TESK2: variants seen among roughly 807,000 people sequenced by gnomAD.
TESK2 encodes the protein testis associated actin remodelling kinase 2, also known as dual specificity testis-specific protein kinase 2.
Under a neutral mutation model 57.1 loss-of-function variants are expected in TESK2, and 39 were observed. The ratio of observed to expected loss-of-function variants is 0.68; its 90% CI spans 0.53 to 0.89. TESK2 has a LOEUF of 0.89. Among genes scored for constraint, TESK2 ranks in the 40% least tolerant of loss-of-function variants. The probability of loss-of-function intolerance (pLI) is 0.00; values close to 1 mark genes in which losing one functional copy is unlikely to be tolerated. For synonymous variants in TESK2, 249 were observed against 267.9 expected (o/e 0.93, Z 0.69); for missense variants, 646 against 732.1 (o/e 0.88, Z 1.36).
At chr1:45,447,936 A>C (rs1241109219) in intron 2 of TESK2, among the ~76,000 whole-genome samples, 1 of 152,096 alleles carries the variant, frequency 6.6e-6, no homozygotes, top group Non-Finnish European at 1.5e-5. Context: ...GAAAAACCAC[A>C]AAACTCTGAT....
intron 1 of TESK2, among the ~76,000 whole-genome samples, chr1:45,473,997 C>T (rs1045740660): frequency 1.3e-5 from 2 of 151,890 alleles, no homozygotes; most frequent in African/African-American, 4.8e-5. Context: ...GACTACCAGA[C>T]AATAGTAGAA....
chr1:45,376,586 C>CACTA (rs1557548599), intron 4 of TESK2, among the ~76,000 whole-genome samples: 1 of 152,112 alleles, frequency 6.6e-6, no homozygotes, highest in East Asian at 1.9e-4. Flanking sequence ...GTTGGGTCTA[C>CACTA]ACTAGACCAT....
At chr1:45,355,514 T>A in intron 4 of TESK2, 65 bp from the exon 5 acceptor site, 2 of 1,536,380 alleles carry the variant, frequency 1.3e-6, no homozygotes, top group Non-Finnish European at 1.8e-6. Flanking sequence ...GGTGAAACCA[T>A]TAGAGAGTAA....
chr1:45,482,626 C>A (rs2149308351), intron 1 of TESK2, among the ~76,000 whole-genome samples: 1 of 147,238 alleles, frequency 6.8e-6, no homozygotes, highest in East Asian at 2.0e-4. Flanking sequence ...AAAGTAAATT[C>A]ATGAAGCCAG....
chr1:45,427,102 G>C (rs1650726667), intron 2 of TESK2, among the ~76,000 whole-genome samples: 1 of 152,006 alleles, frequency 6.6e-6, no homozygotes, highest in Non-Finnish European at 1.5e-5. Context: ...AATTAGCTGG[G>C]CATGGTAGTG....
intron 2 of TESK2, among the ~76,000 whole-genome samples, chr1:45,437,534 T>TTTTC (rs1651282490): frequency 1.3e-5 from 2 of 152,196 alleles, no homozygotes; most frequent in South Asian, 4.1e-4. Flanking sequence ...TTTGGATGCC[T>TTTTC]TTTCTTTCTT....
At chr1:45,443,758 C>T (rs1022770896) in intron 2 of TESK2, among the ~76,000 whole-genome samples, 1 of 152,014 alleles carries the variant, frequency 6.6e-6, no homozygotes, top group Non-Finnish European at 1.5e-5. Context: ...TTAACCTGAC[C>T]TTTAAAGCTC....
At chr1:45,354,757 C>A (rs1248396276) in intron 5 of TESK2, among the ~76,000 whole-genome samples, 7 of 126,230 alleles carry the variant, frequency 5.5e-5, no homozygotes, top group Non-Finnish European at 1.1e-4. Context: ...CCACTGTACT[C>A]CAGCCTGAGT....
In TESK2 at chr1:45,354,915, G is replaced by A. The variant is rs1051276586; in HGVS notation, c.540+388C>T. ...ATATAGGCTTATGGTGGGGCACAGT[G>A]ACTCACGCCTGTAATCCCAGCACTT... is the stretch of plus-strand genomic sequence containing the variant. On this transcript the variant is annotated intron_variant, in intron 5 of 10. Transcript: ENST00000372086. 2.1e-5 allele frequency among the ~76,000 whole-genome samples: 3 copies of A among 145,052 alleles called. No individual in the cohort carries two copies. The Admixed American group carries it at 2.1e-4, about 10-fold the overall frequency.
chr1:45,484,044 T>C, intron 1 of TESK2, among the ~76,000 whole-genome samples: 1 of 150,098 alleles, frequency 6.7e-6, no homozygotes. Context: ...CGCACAGGGG[T>C]TGGCTTCCCA....
At chr1:45,382,044 T>A (rs887091635) in intron 4 of TESK2, among the ~76,000 whole-genome samples, 25 of 151,894 alleles carry the variant, frequency 1.6e-4, no homozygotes, top group Middle Eastern at 3.4e-3. Context: ...CTGATTTTTT[T>A]AATTTTTTGT....
At chr1:45,368,675 G>A (rs1381934431) in intron 4 of TESK2, among the ~76,000 whole-genome samples, 1 of 150,682 alleles carries the variant, frequency 6.6e-6, no homozygotes, top group African/African-American at 2.4e-5. Flanking sequence ...GCACCCGGCT[G>A]GTTGGTTGTT....
chr1:45,360,782 A>G (rs1427942766), intron 4 of TESK2, among the ~76,000 whole-genome samples: 1 of 152,232 alleles, frequency 6.6e-6, no homozygotes, highest in Non-Finnish European at 1.5e-5. Context: ...CTCTGCATGC[A>G]TAAGAAAAGG....
intron 1 of TESK2, among the ~76,000 whole-genome samples, chr1:45,475,823 C>T (rs1002384380): frequency 2.6e-5 from 4 of 152,276 alleles, no homozygotes; most frequent in South Asian, 4.1e-4. Flanking sequence ...CTGAGTCTTC[C>T]GGCCTTCATC....
chr1:45,372,137 A>G (rs1165260473), intron 4 of TESK2, among the ~76,000 whole-genome samples: 1 of 151,988 alleles, frequency 6.6e-6, no homozygotes, highest in African/African-American at 2.4e-5. Flanking sequence ...AGTATCAGCT[A>G]CTCGAAAGGC....
chr1:45,461,558 G>C (rs1017697094), intron 1 of TESK2, among the ~76,000 whole-genome samples: 3 of 152,146 alleles, frequency 2.0e-5, no homozygotes, highest in Non-Finnish European at 4.4e-5. Flanking sequence ...TATGAGAGCT[G>C]TAGAAAGAAC....
chr1:45,446,458 C>A (rs1053094254), intron 2 of TESK2, among the ~76,000 whole-genome samples: 2 of 151,364 alleles, frequency 1.3e-5, no homozygotes, highest in African/African-American at 4.9e-5. Flanking sequence ...GAGACCCTGT[C>A]GTCTCTAAAA....
chr1:45,440,406 C>T (rs1651395125), intron 2 of TESK2, among the ~76,000 whole-genome samples: 1 of 151,858 alleles, frequency 6.6e-6, no homozygotes, highest in African/African-American at 2.4e-5. Flanking sequence ...AAAATAAAAT[C>T]ACACCTAAAA....
At chr1:45,432,495 T>A (rs555317604) in intron 2 of TESK2, among the ~76,000 whole-genome samples, 64 of 151,364 alleles carry the variant, frequency 4.2e-4, no homozygotes, top group Non-Finnish European at 7.4e-4. Flanking sequence ...ATCAAGACCA[T>A]CCTGGCTAAC....
Sources: allele counts gnomAD v4.1 joint callset (sites outside exome capture counted in the v4.1 genomes callset), GRCh38; gene constraint gnomAD v4.1.1; transcripts MANE v1.5; gene names NCBI Gene and HGNC (gene_info 2026-07-23, HGNC 2026-07-21).